The following GREB1 variants were observed in gnomAD, a reference collection of about 807,000 sequenced individuals.
GREB1 encodes growth regulating estrogen receptor binding 1.
In GREB1, 106 loss-of-function variants were observed where a neutral mutation model predicts 200.7. The observed-to-expected ratio is 0.53, with a 90% CI of 0.45 to 0.62. The LOEUF (loss-of-function observed/expected upper bound fraction) is 0.62, where lower values mean the gene tolerates loss of function less well. GREB1 is among the 20% of genes least tolerant of loss of function. The probability of loss-of-function intolerance (pLI) is 0.00; values close to 1 mark genes in which losing one functional copy is unlikely to be tolerated. For missense variants in GREB1, 2,243 were observed against 2,556.8 expected, an observed-to-expected ratio of 0.88 and a Z score of 2.65; for synonymous variants, 1,132 against 1,092.4, an observed-to-expected ratio of 1.04 and a Z score of -0.72.
Position 11,615,230 on chromosome 2 carries a change from G to C in GREB1, c.3262G>C (p.Glu1088Gln), listed in dbSNP as rs760480000. ...GAAGGGGGCTAGGAACGAGGCCTTG[G>C]AGAGTGATGCTGAGAAGCTGAGCAG... ...LEKGARNEAL[E>Q]SDAEKLSSTD... The change falls in exon 20 of 33, where the codon GAG (glutamate) becomes CAG (glutamine). Residue 1088 changes from glutamate to glutamine, a missense_variant. Transcript: ENST00000381486. 6.2e-7 allele frequency: 1 copy of C among 1,612,956 alleles called. No homozygotes were observed. Among genetic ancestry groups the C allele is most frequent in the Non-Finnish European group, 8.5e-7 (1 of 1,179,440 alleles).
At chr2:11,515,060 A>G (rs559353001) in intron 1 of GREB1, among the ~76,000 whole-genome samples, 1 of 150,442 alleles carries the variant, frequency 6.6e-6, no homozygotes, top group African/African-American at 2.5e-5. Context: ...CCATCCACAC[A>G]TGTATCCATC....
At chr2:11,579,249 G>T (rs1242366432) in intron 6 of GREB1, among the ~76,000 whole-genome samples, 1 of 152,160 alleles carries the variant, frequency 6.6e-6, no homozygotes, top group African/African-American at 2.4e-5. Flanking sequence ...CCCATGCCCA[G>T]GCCCCCAGTG....
At chr2:11,585,997 C>G in intron 9 of GREB1, 92 bp downstream of exon 9, 1 of 1,337,732 alleles carries the variant, frequency 7.5e-7, no homozygotes. Context: ...CCCGGTCTGA[C>G]TCCAAGGGTA....
chr2:11,639,838 A>G (rs552628065), intron 32 of GREB1, among the ~76,000 whole-genome samples: 1 of 152,226 alleles, frequency 6.6e-6, no homozygotes, highest in East Asian at 1.9e-4. Context: ...AGGTGTCGCC[A>G]GGTGCTGGGA....
At chr2:11,484,594 A>T (rs1353335346) in intron 1 of GREB1, among the ~76,000 whole-genome samples, 21 of 150,008 alleles carry the variant, frequency 1.4e-4, no homozygotes, top group East Asian at 5.8e-4. Flanking sequence ...TTAAAAAACA[A>T]AAAAAAAAAA....
intron 1 of GREB1, among the ~76,000 whole-genome samples, chr2:11,534,741 A>C (rs1674214650): frequency 6.6e-6 from 1 of 152,168 alleles, no homozygotes; most frequent in Non-Finnish European, 1.5e-5. Flanking sequence ...CTTCTTCTTC[A>C]CATATACCTG....
At position 11,637,800 on chromosome 2, in the gene GREB1, C is replaced by T; in HGVS notation, c.5431C>T (p.Gln1811Ter). The T allele has an allele frequency of 6.2e-7, 1 of 1,614,154 alleles. No homozygotes were observed. The highest frequency in any genetic ancestry group is 8.5e-7 in the Non-Finnish European group (1 of 1,180,026). ...SKHTFLAAPA[Q>*]LLLEKFLQHH... ...GCACACGTTCCTCGCAGCGCCCGCC[C>T]AGCTCCTGCTGGAGAAGTTCCTGCA... The change falls in exon 31 of 33, where the codon CAG (glutamine) becomes TAG (stop). Residue 1811 changes from glutamine to a stop codon, truncating the protein, a stop_gained. Coordinates refer to ENST00000381486, the MANE Select transcript of GREB1 (RefSeq NM_014668.4). LOFTEE classifies it high-confidence loss of function.
chr2:11,613,131 G>A (rs73175251), intron 19 of GREB1, among the ~76,000 whole-genome samples: 2,750 of 152,272 alleles, frequency 0.018, 89 homozygotes, highest in African/African-American at 0.063. Context: ...CTCAAAAGAT[G>A]TGTCCCTCTG....
At chr2:11,577,519 T>C (rs1176757475) in intron 5 of GREB1, among the ~76,000 whole-genome samples, 1 of 152,198 alleles carries the variant, frequency 6.6e-6, no homozygotes, top group African/African-American at 2.4e-5. Context: ...CCCTTCTTTG[T>C]CTCAGCTTTG....
chr2:11,636,857 G>A (rs1558675546), intron 30 of GREB1, among the ~76,000 whole-genome samples: 1 of 149,046 alleles, frequency 6.7e-6, no homozygotes, highest in Non-Finnish European at 1.5e-5. Flanking sequence ...GGCAGAGGCA[G>A]GGGCAGAGGC....
chr2:11,602,614 G>A (rs1347023584), intron 17 of GREB1, 72 bp downstream of exon 17: 1 of 1,355,458 alleles, frequency 7.4e-7, no homozygotes, highest in African/African-American at 1.4e-5. Flanking sequence ...CGTTTAGCCA[G>A]CCAGGGAATT....
chr2:11,538,371 C>CTT (rs34428636), intron 1 of GREB1, among the ~76,000 whole-genome samples: 1 of 151,900 alleles, frequency 6.6e-6, no homozygotes, highest in Non-Finnish European at 1.5e-5. Context: ...CCTCTTTAAC[C>CTT]TTTTTTTACA....
chr2:11,636,779 GGGGC>G, intron 30 of GREB1, among the ~76,000 whole-genome samples: 1 of 123,132 alleles, frequency 8.1e-6, no homozygotes, highest in East Asian at 2.7e-4. Flanking sequence ...GGCAGGGGCA[GGGGC>G]ACGGGCATGG....
chr2:11,533,951 C>T (rs1318972315), upstream of GREB1, among the ~76,000 whole-genome samples: 1 of 152,112 alleles, frequency 6.6e-6, no homozygotes, highest in African/African-American at 2.4e-5. Flanking sequence ...ATGACGAATA[C>T]AGGCTTAGGG....
Position 11,618,813 on chromosome 2 carries a change from G to A in GREB1, c.3938G>A (p.Arg1313Gln), listed in dbSNP as rs778984881. The change falls in exon 22 of 33, where the codon CGG becomes CAG. Residue 1313 changes from arginine (R) to glutamine (Q), a missense_variant. Physicochemically the swap from Arg to Gln is conservative, Grantham distance 43 (BLOSUM62 1). Coordinates refer to ENST00000381486, the MANE Select transcript of GREB1 (RefSeq NM_014668.4). Reference sequence around the variant, plus strand: ...TCCACCGAGCAGTCCCTCTACTACCGGCAGTGGACGGTGCCCCGGCCCAGC... The same window carrying A: ...TCCACCGAGCAGTCCCTCTACTACCAGCAGTGGACGGTGCCCCGGCCCAGC... ...MTSTEQSLYY[R>Q]QWTVPRPSHM... The A allele has an allele frequency of 1.4e-5, 23 of 1,607,356 alleles. No individual in the cohort carries two copies. The highest frequency in any genetic ancestry group is 4.5e-5 in the East Asian group (2 of 44,870).
At chr2:11,525,412 G>A (rs1673838319) in intron 1 of GREB1, among the ~76,000 whole-genome samples, 1 of 148,702 alleles carries the variant, frequency 6.7e-6, no homozygotes. Context: ...CAGGAGGATC[G>A]CTTGAACCTA....
At chr2:11,532,069 G>A (rs1218403933), upstream of GREB1, among the ~76,000 whole-genome samples, 5 of 152,114 alleles carry the variant, frequency 3.3e-5, no homozygotes, top group African/African-American at 1.2e-4. Context: ...TATTAAATAT[G>A]TTGAAATTAT....
chr2:11,564,597 G>A (rs981550592), intron 3 of GREB1, among the ~76,000 whole-genome samples: 3 of 152,206 alleles, frequency 2.0e-5, no homozygotes, highest in Non-Finnish European at 2.9e-5. Flanking sequence ...TAAACACTGT[G>A]ACTACTCATG....
intron 17 of GREB1, among the ~76,000 whole-genome samples, chr2:11,610,302 G>A (rs1225887868): frequency 6.6e-6 from 1 of 152,212 alleles, no homozygotes; most frequent in Admixed American, 6.5e-5. Context: ...CCTGTTTCTA[G>A]TAGGAACCAG....
Sources: gnomAD v4.1 joint callset for allele counts (sites outside exome capture counted in the v4.1 genomes callset) on GRCh38, gnomAD v4.1.1 for gene constraint, MANE v1.5 for transcripts, NCBI Gene and HGNC (gene_info 2026-07-23, HGNC 2026-07-21) for gene names.